LARGE1: variants seen among roughly 807,000 people sequenced by gnomAD.
LARGE1 encodes LARGE xylosyl- and glucuronyltransferase 1.
In LARGE1, 43 loss-of-function variants were observed where a neutral mutation model predicts 87.6. The ratio of observed to expected loss-of-function variants is 0.49; its 90% CI spans 0.38 to 0.63. The LOEUF is 0.63. Among genes scored for constraint, LARGE1 ranks in the 30% least tolerant of loss-of-function variants. The pLI, the probability that LARGE1 is intolerant of heterozygous loss-of-function variation, is 0.00. For missense variants in LARGE1, 802 were observed against 1,000.2 expected (o/e 0.80, Z 2.67); for synonymous variants, 434 against 394.6 (o/e 1.10, Z -1.18).
intron 2 of LARGE1, among the ~76,000 whole-genome samples, chr22:33,702,454 A>G (rs1054404120): frequency 6.6e-6 from 1 of 152,224 alleles, no homozygotes; most frequent in Admixed American, 6.5e-5. Flanking sequence ...GAAAAGCAAT[A>G]TAAATGTTAA....
chr22:33,642,510 G>T (rs2080467773), intron 3 of LARGE1, among the ~76,000 whole-genome samples: 1 of 151,934 alleles, frequency 6.6e-6, no homozygotes, highest in Non-Finnish European at 1.5e-5. Context: ...GCATCATGAT[G>T]ACAGGATCAA....
At chr22:33,604,259 G>A (rs1219975310) in intron 5 of LARGE1, among the ~76,000 whole-genome samples, 176 bp downstream of exon 5, 2 of 152,164 alleles carry the variant, frequency 1.3e-5, no homozygotes, top group African/African-American at 2.4e-5. Flanking sequence ...CACTCAAAGG[G>A]GTTACTTTAA....
At chr22:33,878,854 G>A (rs1048106480) in intron 1 of LARGE1, among the ~76,000 whole-genome samples, 2 of 152,214 alleles carry the variant, frequency 1.3e-5, no homozygotes, top group African/African-American at 4.8e-5. Context: ...GATAGCTTAA[G>A]ATATGGTTTT....
At chr22:33,125,496 G>C in the LARGE1 span, among the ~76,000 whole-genome samples, 186 of 151,044 alleles carry the variant, frequency 1.2e-3, 1 homozygote, top group African/African-American at 4.0e-3. Flanking sequence ...GCCCAGACTG[G>C]AGTGCAATGG....
At chr22:33,728,551 CAAAAAAAAAAAAA>C (rs57790780) in intron 2 of LARGE1, among the ~76,000 whole-genome samples, 5 of 37,462 alleles carry the variant, frequency 1.3e-4, no homozygotes, top group South Asian at 2.2e-3. Flanking sequence ...CCCCTACCAC[CAAAAAAAAAAAAA>C]AAAAAAAAAA....
At chr22:33,645,722 A>G (rs1316350312) in intron 3 of LARGE1, among the ~76,000 whole-genome samples, 1 of 151,216 alleles carries the variant, frequency 6.6e-6, no homozygotes, top group Non-Finnish European at 1.5e-5. Flanking sequence ...TCCAGAATCT[A>G]CAAGGAACTT....
intron 6 of LARGE1, among the ~76,000 whole-genome samples, chr22:33,472,387 T>A (rs981251518): frequency 1.3e-5 from 2 of 152,186 alleles, no homozygotes; most frequent in African/African-American, 4.8e-5. Context: ...AGGATCTTAC[T>A]GTTGCTTACC....
At chr22:33,357,821 G>T (rs750391253) in intron 9 of LARGE1, among the ~76,000 whole-genome samples, 1 of 152,086 alleles carries the variant, frequency 6.6e-6, no homozygotes, top group Admixed American at 6.5e-5. Context: ...ATACAAAAAA[G>T]AATAATAGGT....
intron 9 of LARGE1, among the ~76,000 whole-genome samples, chr22:33,343,768 C>T (rs1939428375): frequency 6.6e-6 from 1 of 152,170 alleles, no homozygotes; most frequent in Admixed American, 6.5e-5. Flanking sequence ...TAAGTGAGTA[C>T]ATGCTCAAGC....
intron 12 of LARGE1, among the ~76,000 whole-genome samples, chr22:33,297,663 G>A (rs576010460): frequency 6.6e-6 from 1 of 150,768 alleles, no homozygotes; most frequent in South Asian, 2.1e-4. Flanking sequence ...AAGGCAGTGA[G>A]GACAGTAGAG....
the LARGE1 span, among the ~76,000 whole-genome samples, chr22:33,074,324 C>T: frequency 7.2e-5 from 11 of 152,004 alleles, no homozygotes; most frequent in Admixed American, 2.6e-4. Flanking sequence ...TAATCATGAC[C>T]GCAATGTGAG....
intron 10 of LARGE1, among the ~76,000 whole-genome samples, chr22:33,327,502 C>T (rs1366621882): frequency 6.6e-6 from 1 of 152,164 alleles, no homozygotes; most frequent in Non-Finnish European, 1.5e-5. Context: ...ATTTACTGAC[C>T]ATTTTACAGA....
At chr22:33,779,879 T>C (rs1311296307) in intron 1 of LARGE1, among the ~76,000 whole-genome samples, 4 of 152,188 alleles carry the variant, frequency 2.6e-5, no homozygotes, top group Non-Finnish European at 2.9e-5. Flanking sequence ...TCTACTTTCA[T>C]GGTATAGAAT....
At chr22:33,120,358 T>TTTTCTTTC in the LARGE1 span, among the ~76,000 whole-genome samples, 18,501 of 118,014 alleles carry the variant, frequency 0.16, 1,513 homozygotes, top group Non-Finnish European at 0.19. Flanking sequence ...TTTTCTTTCT[T>TTTTCTTTC]TTTCTTTCTT....
the LARGE1 span, among the ~76,000 whole-genome samples, chr22:33,151,308 C>T: frequency 6.6e-6 from 1 of 152,008 alleles, no homozygotes; most frequent in Non-Finnish European, 1.5e-5. Context: ...ACCTTGTATC[C>T]TGTGACCTTG....
intron 2 of LARGE1, among the ~76,000 whole-genome samples, chr22:33,748,274 G>T (rs1228687326): frequency 6.6e-6 from 1 of 151,784 alleles, no homozygotes; most frequent in East Asian, 1.9e-4. Flanking sequence ...TGGGATTACA[G>T]GTGCCCGCCA....
intron 1 of LARGE1, among the ~76,000 whole-genome samples, chr22:33,884,300 G>C (rs1346707445): frequency 2.0e-5 from 3 of 152,196 alleles, no homozygotes; most frequent in African/African-American, 7.2e-5. Flanking sequence ...TCATGCGCTT[G>C]CAGGGAACAT....
chr22:33,625,339 A>C (rs1284932580), intron 4 of LARGE1, among the ~76,000 whole-genome samples: 1 of 152,236 alleles, frequency 6.6e-6, no homozygotes, highest in Non-Finnish European at 1.5e-5. Context: ...TTCCATGAGA[A>C]AGCAGAAGCC....
rs5754675 is a variant in LARGE1, at chr22:33,796,850, C to T, written c.-82-35292G>A. 6.9e-3 allele frequency among the ~76,000 whole-genome samples: 1,038 copies of T among 150,920 alleles called. 65 individuals carry two copies. The East Asian group carries it at 0.16, about 24-fold the overall frequency. ...GGAGATCTCAGCTCACTGCAGCCTC[C>T]GCCTCCCTGGTTCAAGCAATTCTCC... On this transcript the variant is annotated intron_variant, in intron 1 of 14. Coordinates refer to ENST00000397394, the MANE Select transcript of LARGE1 (RefSeq NM_133642.5).
Sources: gnomAD v4.1 joint callset for allele counts (sites outside exome capture counted in the v4.1 genomes callset) on GRCh38, gnomAD v4.1.1 for gene constraint, MANE v1.5 for transcripts, NCBI Gene and HGNC (gene_info 2026-07-23, HGNC 2026-07-21) for gene names.